MACROD2: variants seen among roughly 807,000 people sequenced by gnomAD.
The protein encoded by MACROD2 is ADP-ribose glycohydrolase MACROD2.
A neutral mutation model predicts 70.4 loss-of-function variants in MACROD2; 36 were observed. That is an observed-to-expected ratio of 0.51 (90% CI 0.39 to 0.68). MACROD2 has a LOEUF of 0.68. MACROD2 is among the 30% of genes least tolerant of loss of function. The pLI is 0.00. For missense variants in MACROD2, 496 were observed against 538.4 expected (o/e 0.92, Z 0.78); for synonymous variants, 172 against 178.8 (o/e 0.96, Z 0.30).
chr20:15,253,615 G>A (rs188822773), intron 6 of MACROD2, among the ~76,000 whole-genome samples: 73 of 152,236 alleles, frequency 4.8e-4, no homozygotes, highest in African/African-American at 1.3e-3. Context: ...TCCATACCCC[G>A]AGGGCTGGAC....
intron 12 of MACROD2, among the ~76,000 whole-genome samples, chr20:15,941,827 TTTTCTC>T (rs2065755092): frequency 6.6e-6 from 1 of 152,188 alleles, no homozygotes; most frequent in African/African-American, 2.4e-5. Context: ...ACAGGTCTTT[TTTTCTC>T]TTTCTAATAA....
At chr20:14,193,997 T>A (rs898505581) in intron 3 of MACROD2, among the ~76,000 whole-genome samples, 3 of 152,186 alleles carry the variant, frequency 2.0e-5, no homozygotes, top group Non-Finnish European at 2.9e-5. Context: ...GAAGGAGTGC[T>A]AACCTTTCAC....
chr20:14,515,147 G>C (rs1222513394), intron 4 of MACROD2, among the ~76,000 whole-genome samples: 3 of 152,042 alleles, frequency 2.0e-5, no homozygotes, highest in African/African-American at 7.2e-5. Context: ...AGCTGAAAAA[G>C]AAAGTCACTG....
At chr20:15,575,072 A>G (rs2048427530) in intron 8 of MACROD2, among the ~76,000 whole-genome samples, 1 of 152,212 alleles carries the variant, frequency 6.6e-6, no homozygotes, top group African/African-American at 2.4e-5. Flanking sequence ...CTCATCTAGA[A>G]AAGAAAGGTA....
intron 5 of MACROD2, among the ~76,000 whole-genome samples, chr20:15,032,155 G>C (rs750664131): frequency 6.6e-6 from 1 of 152,184 alleles, no homozygotes; most frequent in Non-Finnish European, 1.5e-5. Flanking sequence ...GAGGCCGGAG[G>C]GCGGGAGCAG....
intron 10 of MACROD2, among the ~76,000 whole-genome samples, chr20:15,887,800 C>T (rs2064841011): frequency 6.6e-6 from 1 of 152,184 alleles, no homozygotes; most frequent in South Asian, 2.1e-4. Context: ...TAATCCAAAA[C>T]ATTATCATTT....
chr20:14,399,273 G>A (rs1206895881), intron 3 of MACROD2, among the ~76,000 whole-genome samples: 1 of 151,920 alleles, frequency 6.6e-6, no homozygotes, highest in Non-Finnish European at 1.5e-5. Flanking sequence ...CATTTGCCTC[G>A]GCTTCCCAAA....
intron 8 of MACROD2, among the ~76,000 whole-genome samples, chr20:15,609,407 C>T (rs1254764043): frequency 6.6e-6 from 1 of 152,184 alleles, no homozygotes; most frequent in Non-Finnish European, 1.5e-5. Flanking sequence ...GTGTGTGATT[C>T]CTCTCCATTA....
chr20:15,990,643 G>A (rs1211502727), intron 15 of MACROD2, among the ~76,000 whole-genome samples: 2 of 152,140 alleles, frequency 1.3e-5, no homozygotes, highest in African/African-American at 4.8e-5. Flanking sequence ...ATGCATATGG[G>A]CAGGCATGCA....
chr20:16,011,882 C>T (rs1044998024), intron 15 of MACROD2, among the ~76,000 whole-genome samples: 3 of 152,204 alleles, frequency 2.0e-5, no homozygotes, highest in African/African-American at 2.4e-5. Context: ...CTCAAAACTC[C>T]AGGCGGCACA....
At chr20:16,026,508 C>T (rs964343563) in intron 15 of MACROD2, among the ~76,000 whole-genome samples, 1 of 152,184 alleles carries the variant, frequency 6.6e-6, no homozygotes, top group Non-Finnish European at 1.5e-5. Context: ...AAGTTTAGGG[C>T]CACCTTTCAA....
intron 15 of MACROD2, among the ~76,000 whole-genome samples, chr20:15,991,228 G>A (rs2066554344): frequency 2.0e-5 from 3 of 152,154 alleles, no homozygotes; most frequent in Admixed American, 6.5e-5. Flanking sequence ...AGTCCATGTG[G>A]GAAACATCTT....
chr20:14,868,636 C>T (rs2073453957), intron 5 of MACROD2, among the ~76,000 whole-genome samples: 1 of 152,110 alleles, frequency 6.6e-6, no homozygotes, highest in Non-Finnish European at 1.5e-5. Context: ...TTTCCCTTTT[C>T]CCAAATGCAA....
At chr20:14,952,273 T>C (rs997744192) in intron 5 of MACROD2, among the ~76,000 whole-genome samples, 1 of 152,140 alleles carries the variant, frequency 6.6e-6, no homozygotes, top group African/African-American at 2.4e-5. Context: ...TTTAATTACA[T>C]GAGTTGGAGT....
intron 5 of MACROD2, among the ~76,000 whole-genome samples, chr20:14,979,303 A>G (rs370505297): frequency 2.1e-4 from 32 of 152,206 alleles, no homozygotes; most frequent in East Asian, 9.7e-4. Context: ...TAAAATTTGT[A>G]AAATTTTTAT....
At chr20:15,610,838 A>C (rs2048956841) in intron 8 of MACROD2, among the ~76,000 whole-genome samples, 1 of 152,138 alleles carries the variant, frequency 6.6e-6, no homozygotes, top group African/African-American at 2.4e-5. Flanking sequence ...TGGACCAGTA[A>C]AAATAATTGC....
At chr20:14,599,189 A>G (rs1347982660) in intron 4 of MACROD2, among the ~76,000 whole-genome samples, 1 of 152,180 alleles carries the variant, frequency 6.6e-6, no homozygotes, top group African/African-American at 2.4e-5. Flanking sequence ...AAAACTGTAG[A>G]AGGTGGAGGA....
intron 9 of MACROD2, among the ~76,000 whole-genome samples, chr20:15,871,460 A>G (rs377677305): frequency 6.6e-6 from 1 of 152,192 alleles, no homozygotes; most frequent in Non-Finnish European, 1.5e-5. Flanking sequence ...TGTGCCTACT[A>G]TGTTCCCAAG....
At chr20:14,711,950 C>T (rs1227294998) in intron 5 of MACROD2, among the ~76,000 whole-genome samples, 2 of 152,140 alleles carry the variant, frequency 1.3e-5, no homozygotes, top group African/African-American at 4.8e-5. Context: ...GCTGACCAGA[C>T]TTCTTCCATC....
Sources: allele counts gnomAD v4.1 joint callset (sites outside exome capture counted in the v4.1 genomes callset), GRCh38; gene constraint gnomAD v4.1.1; transcripts MANE v1.5; gene names NCBI Gene and HGNC (gene_info 2026-07-23, HGNC 2026-07-21).